Variants in MRPS28 observed in about 807,000 individuals in gnomAD.
MRPS28 encodes small ribosomal subunit protein bS1m.
Under a neutral mutation model 10.8 loss-of-function variants are expected in MRPS28, and 7 were observed. That is an observed-to-expected ratio of 0.65 (90% confidence interval 0.37 to 1.22). MRPS28 has a LOEUF of 1.22. Among genes scored for constraint, MRPS28 ranks in the 50% most tolerant of loss-of-function variants. The probability of loss-of-function intolerance (pLI) is 0.02; values close to 1 mark genes in which losing one functional copy is unlikely to be tolerated. For synonymous variants in MRPS28, 121 were observed against 93.3 expected (o/e 1.30, Z -1.71); for missense variants, 265 against 232.9 (o/e 1.14, Z -0.90).
chr8:80,004,198 T>G (rs935389757), intron 1 of MRPS28, among the ~76,000 whole-genome samples: 3 of 152,190 alleles, frequency 2.0e-5, no homozygotes, highest in Non-Finnish European at 4.4e-5. Context: ...CTCAAGTGGG[T>G]CCCTGACCCC....
In MRPS28 at chr8:79,978,384, C is replaced by A. The variant is rs570987506; in HGVS notation, c.395+24615G>T. On this transcript the variant is annotated intron_variant, in intron 2 of 2. Transcript: ENST00000276585. ...ATGTAATCTAAGTAGTTTAAAACAA[C>A]TAGGAAGATAAGAATCTGTCCGAAG... Among the ~76,000 whole-genome samples the A allele has an allele frequency of 8.6e-5, 13 of 151,848 alleles. No homozygotes were observed. In the East Asian group the frequency reaches 2.5e-3, roughly 29 times the overall value.
intron 1 of MRPS28, among the ~76,000 whole-genome samples, chr8:80,027,852 T>C (rs1001835549): frequency 6.6e-6 from 1 of 152,176 alleles, no homozygotes; most frequent in African/African-American, 2.4e-5. Flanking sequence ...TTACCCATCA[T>C]CTAGTAGAAT....
rs142323231 is a variant in MRPS28, at chr8:79,981,665, T to C, written c.395+21334A>G. Among the ~76,000 whole-genome samples, 302 of 152,298 alleles carry C rather than the reference T, an allele frequency of 2.0e-3. 2 individuals are homozygous for C. The highest frequency in any genetic ancestry group is 1.5e-3 in the Non-Finnish European group (103 of 68,018). ...AATATGTACGTTTACAGCAATATAT[T>C]TTGGAAGCCGAGTAACTTAAAATCG... On this transcript the variant is annotated intron_variant, in intron 2 of 2. Coordinates refer to ENST00000276585, the MANE Select transcript of MRPS28 (RefSeq NM_014018.3).
intron 2 of MRPS28, among the ~76,000 whole-genome samples, chr8:79,965,454 T>C (rs1188048948): frequency 6.6e-6 from 1 of 152,066 alleles, no homozygotes; most frequent in Non-Finnish European, 1.5e-5. Flanking sequence ...TCTTAGAAGA[T>C]CTGGCATAGA....
intron 1 of MRPS28, among the ~76,000 whole-genome samples, chr8:80,005,030 G>A (rs138891884): frequency 0.016 from 2,458 of 152,300 alleles, 71 homozygotes; most frequent in African/African-American, 0.056. Flanking sequence ...CAAAAGTGAC[G>A]GGGAGAATGG....
At chr8:79,955,170 T>G (rs1292430925) in intron 2 of MRPS28, among the ~76,000 whole-genome samples, 4 of 152,204 alleles carry the variant, frequency 2.6e-5, no homozygotes, top group Admixed American at 6.5e-5. Context: ...ACTGCACCCT[T>G]GGATTTCACC....
At chr8:79,930,049 C>T (rs188124311) in intron 2 of MRPS28, among the ~76,000 whole-genome samples, 2 of 152,278 alleles carry the variant, frequency 1.3e-5, no homozygotes, top group Admixed American at 6.5e-5. Flanking sequence ...TGAAGTACAA[C>T]ACTCTCAGTG....
intron 2 of MRPS28, among the ~76,000 whole-genome samples, chr8:79,954,771 A>T (rs1172058748): frequency 6.6e-6 from 1 of 152,142 alleles, no homozygotes; most frequent in Non-Finnish European, 1.5e-5. Context: ...CACACCTACA[A>T]ATCTTGTTGA....
At chr8:79,988,278 G>T (rs1407894850) in intron 2 of MRPS28, among the ~76,000 whole-genome samples, 2 of 113,074 alleles carry the variant, frequency 1.8e-5, no homozygotes, top group East Asian at 3.2e-4. Context: ...ATCGTGGGGT[G>T]GGGGGAGGGG....
At chr8:80,003,429 G>A (rs1321389190) in intron 1 of MRPS28, among the ~76,000 whole-genome samples, 1 of 152,182 alleles carries the variant, frequency 6.6e-6, no homozygotes, top group Non-Finnish European at 1.5e-5. Context: ...ACTTTGGGAG[G>A]CCGAGGCAGG....
At chr8:80,018,040 T>G (rs1809243716) in intron 1 of MRPS28, among the ~76,000 whole-genome samples, 1 of 152,114 alleles carries the variant, frequency 6.6e-6, no homozygotes, top group Non-Finnish European at 1.5e-5. Context: ...CTATAATCCC[T>G]GCACTTTGGG....
intron 1 of MRPS28, among the ~76,000 whole-genome samples, chr8:80,026,735 C>T (rs1801278545): frequency 1.3e-5 from 2 of 152,068 alleles, no homozygotes; most frequent in Admixed American, 6.5e-5. Context: ...AATGTCCTTA[C>T]ATTTGGGATT....
chr8:79,923,516 C>A (rs73251916), intron 2 of MRPS28, among the ~76,000 whole-genome samples: 12,228 of 152,114 alleles, frequency 0.08, 1,129 homozygotes, highest in African/African-American at 0.23. Context: ...ATATCTACTG[C>A]CTCATGCAAT....
At chr8:79,940,076 G>A (rs1354190286) in intron 2 of MRPS28, among the ~76,000 whole-genome samples, 1 of 152,076 alleles carries the variant, frequency 6.6e-6, no homozygotes, top group Non-Finnish European at 1.5e-5. Flanking sequence ...GAAGTACCTG[G>A]GGGATATGTT....
intron 2 of MRPS28, among the ~76,000 whole-genome samples, chr8:79,948,074 A>G (rs568245477): frequency 1.4e-5 from 2 of 144,470 alleles, no homozygotes; most frequent in South Asian, 2.2e-4. Context: ...TGCAACCTCT[A>G]CCTCCTGGGT....
At chr8:79,954,450 C>G (rs1807154416) in intron 2 of MRPS28, among the ~76,000 whole-genome samples, 1 of 152,070 alleles carries the variant, frequency 6.6e-6, no homozygotes, top group South Asian at 2.1e-4. Flanking sequence ...GCCAATGTTA[C>G]CAGTTGCTTG....
chr8:79,963,710 T>A (rs1250726349), intron 2 of MRPS28, among the ~76,000 whole-genome samples: 1 of 152,082 alleles, frequency 6.6e-6, no homozygotes, highest in African/African-American at 2.4e-5. Context: ...AATGACTCAG[T>A]GTACTGCTGC....
intron 1 of MRPS28, 147 bp downstream of exon 1, chr8:80,029,889 C>T: frequency 6.5e-7 from 1 of 1,536,536 alleles, no homozygotes; most frequent in East Asian, 2.4e-5. Flanking sequence ...GGGCCGAGGG[C>T]TGAGCCACAA....
At chr8:79,940,479 T>G (rs936483350) in intron 2 of MRPS28, among the ~76,000 whole-genome samples, 1 of 152,244 alleles carries the variant, frequency 6.6e-6, no homozygotes, top group Admixed American at 6.5e-5. Context: ...ACATTAGTCT[T>G]ACAGGCTGGA....
Sources: gnomAD v4.1 joint callset for allele counts (sites outside exome capture counted in the v4.1 genomes callset) on GRCh38, gnomAD v4.1.1 for gene constraint, MANE v1.5 for transcripts, NCBI Gene and HGNC (gene_info 2026-07-23, HGNC 2026-07-21) for gene names.